Variants in PSD3 observed in about 807,000 individuals in gnomAD.
PSD3 encodes the protein PH and SEC7 domain-containing protein 3.
A neutral mutation model predicts 105.5 loss-of-function variants in PSD3; 49 were observed. The ratio of observed to expected loss-of-function variants is 0.46; its 90% confidence interval spans 0.37 to 0.59. The LOEUF (loss-of-function observed/expected upper bound fraction) is 0.59. Ranked by LOEUF, PSD3 falls within the 20% of genes least tolerant of loss-of-function variation. The pLI, the probability that PSD3 is intolerant of heterozygous loss-of-function variation, is 0.00. For missense variants in PSD3, 1,561 were observed against 1,263.8 expected, an observed-to-expected ratio of 1.24 and a Z score of -3.57; for synonymous variants, 557 against 457.8, an observed-to-expected ratio of 1.22 and a Z score of -2.77.
intron 14 of PSD3, among the ~76,000 whole-genome samples, chr8:18,559,481 T>A (rs554327643): frequency 1.3e-5 from 2 of 152,270 alleles, no homozygotes; most frequent in East Asian, 3.9e-4. Context: ...TCAGTATAGT[T>A]ATTTATAATA....
At chr8:18,746,435 G>A (rs753058694) in intron 9 of PSD3, among the ~76,000 whole-genome samples, 17 of 152,120 alleles carry the variant, frequency 1.1e-4, no homozygotes, top group African/African-American at 3.9e-4. Context: ...CAGTCTAAGA[G>A]TTCGGAAACA....
At chr8:18,599,213 T>C (rs566929459) in intron 12 of PSD3, among the ~76,000 whole-genome samples, 45 of 152,250 alleles carry the variant, frequency 3.0e-4, no homozygotes, top group African/African-American at 1.1e-3. Context: ...GACAGACACA[T>C]GCATAGACCA....
chr8:18,767,477 G>C (rs1287167828), intron 8 of PSD3, among the ~76,000 whole-genome samples: 1 of 152,210 alleles, frequency 6.6e-6, no homozygotes. Flanking sequence ...ACCGGGCACG[G>C]TGGCTCAAGC....
At chr8:19,069,590 C>T (rs1371060205) in intron 1 of PSD3, among the ~76,000 whole-genome samples, 1 of 152,180 alleles carries the variant, frequency 6.6e-6, no homozygotes, top group African/African-American at 2.4e-5. Context: ...GGGATAGGGT[C>T]ATCATCGTGA....
At position 18,763,000 on chromosome 8, in the gene PSD3, C is replaced by T. The variant is rs1806668506; in HGVS notation, c.2172+2449G>A. 3.8e-6 allele frequency: 4 copies of T among 1,056,800 alleles called. No homozygotes were observed. In the South Asian group the frequency reaches 3.9e-5, roughly 10 times the overall value. The allele number at this position is 1,056,800 out of a possible 1,614,324, so 65.5% of individuals were successfully genotyped here. On this transcript the variant is annotated intron_variant, in intron 9 of 15. Transcript: ENST00000327040. ...CTGAGGACAGGTGCCCATTTGGTTT[C>T]AGCATCTTCTCCAATCCCACAACAC...
At chr8:18,759,092 A>ACACACACACACACACACACTCT (rs756248977) in intron 9 of PSD3, among the ~76,000 whole-genome samples, 11 of 143,864 alleles carry the variant, frequency 7.6e-5, no homozygotes, top group South Asian at 2.2e-4. Flanking sequence ...ACACACACAC[A>ACACACACACACACACACACTCT]CTCTCTCTCT....
chr8:18,780,594 C>T (rs1425100690), intron 8 of PSD3, among the ~76,000 whole-genome samples: 2 of 152,054 alleles, frequency 1.3e-5, no homozygotes, highest in Non-Finnish European at 2.9e-5. Context: ...CTCTGTTGCC[C>T]AGGCTGGAGT....
At chr8:18,893,464 GT>G (rs1438696899) in intron 2 of PSD3, among the ~76,000 whole-genome samples, 1 of 152,136 alleles carries the variant, frequency 6.6e-6, no homozygotes, top group Non-Finnish European at 1.5e-5. Flanking sequence ...GTTAAATTAG[GT>G]TTGTAACTCT....
At chr8:18,666,896 G>A (rs1799499000) in intron 9 of PSD3, among the ~76,000 whole-genome samples, 1 of 152,124 alleles carries the variant, frequency 6.6e-6, no homozygotes, top group South Asian at 2.1e-4. Flanking sequence ...AGAATTGGTG[G>A]GTTCTTGGTC....
At chr8:18,758,643 C>T (rs1473121037) in intron 9 of PSD3, among the ~76,000 whole-genome samples, 1 of 151,936 alleles carries the variant, frequency 6.6e-6, no homozygotes, top group Non-Finnish European at 1.5e-5. Flanking sequence ...CTTCCTTATC[C>T]AAAAAGATGC....
rs35402329 is a variant in PSD3, at chr8:18,701,132, A to ATTT, written c.2173-45450_2173-45448dup. ...AGGTGTGTGCCAAGAAGCCTGGCTG[A>ATTT]TTTTTTTTTTTTTTTTCTGTAGAGA... On this transcript the variant is annotated intron_variant, in intron 9 of 15. Transcript: ENST00000327040. 5.3e-4 allele frequency among the ~76,000 whole-genome samples: 73 copies of ATTT among 138,038 alleles called. 7 individuals carry two copies. The highest frequency in any genetic ancestry group is 9.4e-4 in the South Asian group (4 of 4,238). 90.6% of individuals were successfully genotyped at this position (138,038 alleles called of 152,430 possible).
Position 18,677,836 on chromosome 8 carries a change from C to G in PSD3, c.2173-22151G>C, listed in dbSNP as rs1208074761. On this transcript the variant is annotated intron_variant, in intron 9 of 15. Transcript: ENST00000327040. ...CCATCCTGGCTAACACGGTGAAACCCCATCTCTACTAAAAATACAAAAAAT... is the reference window on the plus strand; with the variant it reads ...CCATCCTGGCTAACACGGTGAAACCGCATCTCTACTAAAAATACAAAAAAT... Among the ~76,000 whole-genome samples the G allele has an allele frequency of 2.0e-5, 3 of 152,018 alleles. No homozygotes were observed. In the East Asian group the frequency reaches 5.8e-4, roughly 30 times the overall value.
rs552244016 is a variant in PSD3 at position 18,676,555 on chromosome 8, C to G, written c.2173-20870G>C. On this transcript the variant is annotated intron_variant, in intron 9 of 15. Transcript: ENST00000327040. ...TGGCCTTAGGAGATTTAACAGGAAACCAAGATTGTGGAGTGTCCTATCCTG... is the reference window on the plus strand; with the variant it reads ...TGGCCTTAGGAGATTTAACAGGAAAGCAAGATTGTGGAGTGTCCTATCCTG... Among the ~76,000 whole-genome samples, 528 of 152,260 alleles carry G rather than the reference C, an allele frequency of 3.5e-3. 4 individuals carry two copies. The highest frequency in any genetic ancestry group is 0.012 in the African/African-American group (500 of 41,536).
intron 9 of PSD3, among the ~76,000 whole-genome samples, chr8:18,741,340 A>G (rs1042437163): frequency 6.6e-6 from 1 of 152,188 alleles, no homozygotes; most frequent in African/African-American, 2.4e-5. Context: ...CAATGCCAGT[A>G]AGTGTCAGGG....
At chr8:18,927,656 T>A (rs1034010721) in intron 2 of PSD3, among the ~76,000 whole-genome samples, 6 of 152,214 alleles carry the variant, frequency 3.9e-5, no homozygotes, top group Admixed American at 3.9e-4. Context: ...GCTGCTGCCA[T>A]GCTACTTAGT....
At chr8:18,785,157 A>G (rs1183746459) in intron 8 of PSD3, among the ~76,000 whole-genome samples, 3 of 152,184 alleles carry the variant, frequency 2.0e-5, no homozygotes, top group African/African-American at 7.2e-5. Context: ...AGGAGCAGAG[A>G]CCAAATCTGT....
chr8:18,904,391 A>T (rs1198014172), intron 2 of PSD3, among the ~76,000 whole-genome samples: 1 of 152,134 alleles, frequency 6.6e-6, no homozygotes, highest in Non-Finnish European at 1.5e-5. Flanking sequence ...GTGCCCAAGA[A>T]AGCCATGAAG....
intron 9 of PSD3, among the ~76,000 whole-genome samples, chr8:18,729,424 G>A (rs765016102): frequency 6.6e-6 from 1 of 152,150 alleles, no homozygotes; most frequent in Non-Finnish European, 1.5e-5. Context: ...GGGACCTTGT[G>A]TAAGGTTCTT....
At chr8:18,894,141 T>C (rs1429253440) in intron 2 of PSD3, among the ~76,000 whole-genome samples, 6 of 152,186 alleles carry the variant, frequency 3.9e-5, no homozygotes, top group Non-Finnish European at 8.8e-5. Context: ...TTTGCTACAT[T>C]ACCATGTGAT....
Sources: gnomAD v4.1 joint callset for allele counts (sites outside exome capture counted in the v4.1 genomes callset) on GRCh38, gnomAD v4.1.1 for gene constraint, MANE v1.5 for transcripts, NCBI Gene and HGNC (gene_info 2026-07-23, HGNC 2026-07-21) for gene names.